IQCM: variants seen among roughly 807,000 people sequenced by gnomAD.
IQCM encodes the protein IQ motif containing M.
IQCM carries 45 observed loss-of-function variants against 57.6 expected under a neutral mutation model. The observed-to-expected ratio is 0.78, with a 90% CI of 0.62 to 1.00. The LOEUF is 1.00. Among genes scored for constraint, IQCM ranks in the 50% least tolerant of loss-of-function variants. The probability of loss-of-function intolerance (pLI) is 0.00; values close to 1 mark genes in which losing one functional copy is unlikely to be tolerated. For missense variants in IQCM, 468 were observed against 511.6 expected (o/e 0.91, Z 0.82); for synonymous variants, 148 against 158.9 (o/e 0.93, Z 0.51).
intron 5 of IQCM, among the ~76,000 whole-genome samples, chr4:149,703,496 A>ACAATAGG (rs1366805489): frequency 6.6e-6 from 1 of 151,946 alleles, no homozygotes; most frequent in Non-Finnish European, 1.5e-5. Context: ...GTTGGTACAG[A>ACAATAGG]CAATAGGCCA....
intron 13 of IQCM, chr4:149,429,930 T>C: frequency 9.3e-7 from 1 of 1,077,620 alleles, no homozygotes; most frequent in Non-Finnish European, 1.2e-6. Flanking sequence ...GCCACTTGCA[T>C]ATTTCCTTTT....
chr4:149,545,205 C>T (rs191157948), intron 12 of IQCM, among the ~76,000 whole-genome samples: 2 of 151,900 alleles, frequency 1.3e-5, no homozygotes, highest in South Asian at 2.1e-4. Flanking sequence ...AAAAAACGAG[C>T]GGGACTACCT....
chr4:149,497,780 C>T (rs567503072), intron 12 of IQCM, among the ~76,000 whole-genome samples: 153 of 150,418 alleles, frequency 1.0e-3, no homozygotes, highest in Non-Finnish European at 1.7e-3. Flanking sequence ...AAAAAAGCAA[C>T]CACCCAAAAA....
intron 2 of IQCM, among the ~76,000 whole-genome samples, chr4:149,782,521 G>T (rs1292555303): frequency 6.6e-6 from 1 of 150,794 alleles, no homozygotes; most frequent in Admixed American, 6.6e-5. Flanking sequence ...GAGGTGGGAC[G>T]ATTGCTTGAG....
intron 9 of IQCM, among the ~76,000 whole-genome samples, chr4:149,576,187 A>AT (rs1404570185): frequency 1.3e-5 from 2 of 151,516 alleles, no homozygotes; most frequent in African/African-American, 4.8e-5. Context: ...CCCGTGCAGG[A>AT]TTTTTTATGG....
chr4:149,387,489 C>A (rs1328564740), intron 13 of IQCM, among the ~76,000 whole-genome samples: 3 of 152,148 alleles, frequency 2.0e-5, no homozygotes, highest in African/African-American at 7.2e-5. Context: ...TTAGGGGTTA[C>A]AAAATGGTGA....
rs1050653850 is a variant in IQCM, at chr4:149,581,990, G to A, written c.749+5940C>T. Among the ~76,000 whole-genome samples the A allele has an allele frequency of 5.9e-5, 9 of 151,352 alleles. No homozygotes were observed. In the East Asian group the frequency reaches 1.8e-3, roughly 30 times the overall value. On this transcript the variant is annotated intron_variant, in intron 9 of 13. Coordinates refer to ENST00000636793, the MANE Select transcript of IQCM (RefSeq NM_001363507.2). ...GGGGAGGTTTGGTGGGGAATTGTTT[G>A]TTGCTTTTGTTTTTGTTTTTTATTT...
At chr4:149,682,066 C>T (rs1762219225) in intron 7 of IQCM, 52 bp downstream of exon 7, 3 of 696,094 alleles carry the variant, frequency 4.3e-6, no homozygotes, top group Non-Finnish European at 6.0e-6. Flanking sequence ...TAAATGAATG[C>T]AAAATAATGA....
At chr4:149,723,518 T>C (rs1765626331) in intron 5 of IQCM, among the ~76,000 whole-genome samples, 1 of 152,170 alleles carries the variant, frequency 6.6e-6, no homozygotes, top group East Asian at 1.9e-4. Context: ...TTTTTTCAAA[T>C]GCTTTTTCAG....
chr4:149,656,147 A>G (rs1290145694), intron 7 of IQCM, among the ~76,000 whole-genome samples: 1 of 152,116 alleles, frequency 6.6e-6, no homozygotes, highest in African/African-American at 2.4e-5. Flanking sequence ...CTCAAAGGAG[A>G]GCATACATAA....
chr4:149,722,546 T>C (rs1286400151), intron 5 of IQCM, among the ~76,000 whole-genome samples: 1 of 152,062 alleles, frequency 6.6e-6, no homozygotes, highest in Non-Finnish European at 1.5e-5. Flanking sequence ...GAACAGGGTG[T>C]CCTTTCTCCA....
At chr4:149,648,560 T>C (rs1039684800) in intron 7 of IQCM, among the ~76,000 whole-genome samples, 1 of 152,224 alleles carries the variant, frequency 6.6e-6, no homozygotes, top group South Asian at 2.1e-4. Context: ...GTATACCCAG[T>C]AATGGGATGG....
At chr4:149,433,724 A>G (rs1171302518) in intron 12 of IQCM, among the ~76,000 whole-genome samples, 167 bp from the exon 13 acceptor site, 1 of 151,980 alleles carries the variant, frequency 6.6e-6, no homozygotes, top group Non-Finnish European at 1.5e-5. Context: ...TCTTCTTGTT[A>G]ATTCCAAGCA....
Position 149,394,999 on chromosome 4 carries a change from GA to G in IQCM, c.1390+38396del, listed in dbSNP as rs1419475137. On this transcript the variant is annotated intron_variant, in intron 13 of 13. Transcript: ENST00000636793. ...TATTGGCCTATAATTTTACTGATGT[GA>G]AAAACATCTTAGAAGGAGACTCCAC... is the stretch of plus-strand genomic sequence containing the variant. Among the ~76,000 whole-genome samples the G allele has an allele frequency of 3.3e-5, 5 of 151,882 alleles. 1 individual carries two copies. The highest frequency in any genetic ancestry group is 7.2e-5 in the African/African-American group (3 of 41,384).
chr4:149,635,472 A>G (rs191423186), intron 7 of IQCM, among the ~76,000 whole-genome samples: 2 of 152,324 alleles, frequency 1.3e-5, no homozygotes, highest in Non-Finnish European at 2.9e-5. Context: ...TTTGTCAATT[A>G]TTTCTATGTA....
chr4:149,739,832 TA>T (rs879479052), intron 3 of IQCM, among the ~76,000 whole-genome samples: 12 of 151,488 alleles, frequency 7.9e-5, no homozygotes, highest in African/African-American at 2.4e-4. Flanking sequence ...ATTTATCTTT[TA>T]AAAAAAAACC....
intron 7 of IQCM, among the ~76,000 whole-genome samples, chr4:149,637,565 A>C (rs1481129944): frequency 6.6e-6 from 1 of 152,208 alleles, no homozygotes; most frequent in African/African-American, 2.4e-5. Context: ...AAGAAACAAG[A>C]ATAGCTAAAA....
At chr4:149,447,476 T>C (rs1736637359) in intron 12 of IQCM, among the ~76,000 whole-genome samples, 1 of 151,564 alleles carries the variant, frequency 6.6e-6, no homozygotes, top group South Asian at 2.1e-4. Context: ...ATTAAACATC[T>C]AGAAATGAAA....
chr4:149,747,271 A>G (rs957577777), intron 2 of IQCM, among the ~76,000 whole-genome samples: 5 of 152,350 alleles, frequency 3.3e-5, no homozygotes, highest in Admixed American at 1.3e-4. Flanking sequence ...GTGCAAAGGT[A>G]TACAGTCATT....
Sources: gnomAD v4.1 joint callset for allele counts (sites outside exome capture counted in the v4.1 genomes callset) on GRCh38, gnomAD v4.1.1 for gene constraint, MANE v1.5 for transcripts, NCBI Gene and HGNC (gene_info 2026-07-23, HGNC 2026-07-21) for gene names.